MYO3B: variants seen among roughly 807,000 people sequenced by gnomAD.
MYO3B encodes the protein myosin IIIB.
MYO3B carries 156 observed loss-of-function variants against 174.6 expected under a neutral mutation model. The observed-to-expected ratio is 0.89, with a 90% CI of 0.78 to 1.02. MYO3B has a LOEUF of 1.02. MYO3B is among the 50% of genes least tolerant of loss of function. MYO3B has a pLI of 0.00. For synonymous variants in MYO3B, 563 were observed against 569.1 expected (o/e 0.99, Z 0.15); for missense variants, 1,632 against 1,639.4 (o/e 1.00, Z 0.08).
intron 32 of MYO3B, among the ~76,000 whole-genome samples, chr2:170,631,164 T>G (rs1271856128): frequency 1.3e-5 from 2 of 151,978 alleles, no homozygotes; most frequent in Admixed American, 6.6e-5. Context: ...AAAGATTAGA[T>G]GAATGGCTAA....
chr2:170,476,073 T>TTC (rs1685298046), intron 25 of MYO3B, among the ~76,000 whole-genome samples: 3 of 151,526 alleles, frequency 2.0e-5, no homozygotes, highest in Admixed American at 1.3e-4. Context: ...GTGTTCCCTG[T>TTC]CCCCCCCCAC....
At chr2:170,381,920 T>C (rs2094338433) in intron 9 of MYO3B, 96 bp from the exon 10 acceptor site, 3 of 995,842 alleles carry the variant, frequency 3.0e-6, no homozygotes, top group South Asian at 1.5e-5. Context: ...TCTGAACATA[T>C]CACGTGATAA....
intron 32 of MYO3B, among the ~76,000 whole-genome samples, chr2:170,560,213 T>G (rs1356494810): frequency 1.3e-5 from 2 of 152,236 alleles, no homozygotes; most frequent in African/African-American, 4.8e-5. Context: ...TTGTTTTCCC[T>G]CGATACTACC....
chr2:170,535,131 A>G (rs1342120645), intron 30 of MYO3B, among the ~76,000 whole-genome samples: 1 of 152,166 alleles, frequency 6.6e-6, no homozygotes, highest in Admixed American at 6.5e-5. Flanking sequence ...TGTGTCTGCT[A>G]CTTGAATGTA....
chr2:170,561,331 A>G (rs1048175987), intron 32 of MYO3B, among the ~76,000 whole-genome samples: 1 of 152,248 alleles, frequency 6.6e-6, no homozygotes, highest in Admixed American at 6.5e-5. Flanking sequence ...TTGAACATAT[A>G]CTGCATAAAG....
intron 32 of MYO3B, among the ~76,000 whole-genome samples, chr2:170,636,358 G>C (rs1022482303): frequency 2.7e-5 from 4 of 150,518 alleles, no homozygotes; most frequent in Non-Finnish European, 5.9e-5. Flanking sequence ...TAACATAACT[G>C]TTTGTGTTAT....
intron 30 of MYO3B, among the ~76,000 whole-genome samples, chr2:170,528,508 C>T (rs1263861979): frequency 6.6e-5 from 10 of 152,144 alleles, no homozygotes; most frequent in African/African-American, 1.9e-4. Context: ...CGGGTTTAAC[C>T]GATTCTCCTG....
chr2:170,192,365 T>C (rs999256397), intron 1 of MYO3B, among the ~76,000 whole-genome samples: 1 of 151,256 alleles, frequency 6.6e-6, no homozygotes, highest in Non-Finnish European at 1.5e-5. Context: ...TTACAAAAAA[T>C]ATTTACTTAT....
intron 1 of MYO3B, among the ~76,000 whole-genome samples, chr2:170,184,629 A>T (rs2092441251): frequency 6.6e-6 from 1 of 152,172 alleles, no homozygotes; most frequent in South Asian, 2.1e-4. Flanking sequence ...GGCTATTGTG[A>T]ATAGTGCTAC....
intron 32 of MYO3B, among the ~76,000 whole-genome samples, chr2:170,588,784 C>T (rs1480865261): frequency 6.6e-6 from 1 of 152,222 alleles, no homozygotes; most frequent in East Asian, 1.9e-4. Flanking sequence ...TGAGAAAACA[C>T]TGATGCAATT....
At chr2:170,246,094 C>T (rs557453924) in intron 7 of MYO3B, among the ~76,000 whole-genome samples, 1 of 152,188 alleles carries the variant, frequency 6.6e-6, no homozygotes, top group South Asian at 2.1e-4. Context: ...TTTACAAGTT[C>T]CCTAGATGAT....
At chr2:170,507,571 T>A (rs1488724330) in intron 28 of MYO3B, among the ~76,000 whole-genome samples, 1 of 151,976 alleles carries the variant, frequency 6.6e-6, no homozygotes, top group Non-Finnish European at 1.5e-5. Context: ...AGCTCTTTTA[T>A]TAGTAGAGAT....
chr2:170,625,676 C>T (rs1221077731), intron 32 of MYO3B, among the ~76,000 whole-genome samples: 2 of 152,186 alleles, frequency 1.3e-5, no homozygotes, highest in African/African-American at 2.4e-5. Context: ...TTCCTGCTTT[C>T]TCTTGTGGGC....
At chr2:170,193,019 T>C (rs2092558340) in intron 1 of MYO3B, among the ~76,000 whole-genome samples, 1 of 151,940 alleles carries the variant, frequency 6.6e-6, no homozygotes, top group Non-Finnish European at 1.5e-5. Flanking sequence ...TATGCACTTA[T>C]TGATGTGCAT....
chr2:170,193,501 A>G (rs890991395), intron 1 of MYO3B, among the ~76,000 whole-genome samples: 30 of 152,182 alleles, frequency 2.0e-4, no homozygotes, highest in East Asian at 7.7e-4. Context: ...GACCTTATTA[A>G]AGAATCTTAA....
At chr2:170,307,335 T>TA (rs2093707724) in intron 7 of MYO3B, among the ~76,000 whole-genome samples, 1 of 151,916 alleles carries the variant, frequency 6.6e-6, no homozygotes, top group African/African-American at 2.4e-5. Flanking sequence ...ACTATTGGCT[T>TA]AAAAAATCAT....
At chr2:170,563,653 T>C (rs1409762823) in intron 32 of MYO3B, among the ~76,000 whole-genome samples, 2 of 152,170 alleles carry the variant, frequency 1.3e-5, no homozygotes, top group African/African-American at 4.8e-5. Flanking sequence ...AACAGACAAC[T>C]ATTTTCCTCA....
At chr2:170,456,686 C>T (rs1390463969) in intron 23 of MYO3B, among the ~76,000 whole-genome samples, 1 of 152,202 alleles carries the variant, frequency 6.6e-6, no homozygotes, top group African/African-American at 2.4e-5. Context: ...TAAAACTACG[C>T]TAAAACTAAA....
At chr2:170,303,452 T>A (rs1165930709) in intron 7 of MYO3B, among the ~76,000 whole-genome samples, 3 of 152,176 alleles carry the variant, frequency 2.0e-5, no homozygotes, top group African/African-American at 7.2e-5. Context: ...AAATTATGCA[T>A]GAGACTGATT....
Sources: gnomAD v4.1 joint callset for allele counts (sites outside exome capture counted in the v4.1 genomes callset) on GRCh38, gnomAD v4.1.1 for gene constraint, MANE v1.5 for transcripts, NCBI Gene and HGNC (gene_info 2026-07-23, HGNC 2026-07-21) for gene names.